The following UBR4 variants were observed in gnomAD, a reference collection of about 807,000 sequenced individuals.
The protein encoded by UBR4 is E3 ubiquitin-protein ligase UBR4.
A neutral mutation model predicts 575.6 loss-of-function variants in UBR4; 124 were observed. The ratio of observed to expected loss-of-function variants is 0.22; its 90% confidence interval spans 0.19 to 0.25. The LOEUF (loss-of-function observed/expected upper bound fraction) is 0.25, where lower values mean the gene tolerates loss of function less well. Among genes scored for constraint, UBR4 ranks in the 10% least tolerant of loss-of-function variants. The pLI, the probability that UBR4 is intolerant of heterozygous loss-of-function variation, is 1.00. For synonymous variants in UBR4, 2,455 were observed against 2,473.7 expected, an observed-to-expected ratio of 0.99 and a Z score of 0.22; for missense variants, 4,818 against 6,478.8, an observed-to-expected ratio of 0.74 and a Z score of 8.80.
Position 19,115,530 on chromosome 1 carries a change from A to C in UBR4, c.10931T>G (p.Phe3644Cys), listed in dbSNP as rs751832612. Residue 3644 changes from phenylalanine (F) to cysteine (C), a missense_variant, in exon 74 of 106, where the codon TTT (phenylalanine) becomes TGT (cysteine). Around this residue, in one of 29 missense-constraint regions of UBR4, gnomAD observed 550 missense variants for 791.5 expected, o/e 0.69. Transcript: ENST00000375254. Reference protein sequence around the residue: ...PIVASNLMIEFADFYENYQAS... With the variant: ...PIVASNLMIECADFYENYQAS... ...CTGGTAGTTTTCATAGAAGTCTGCA[A>C]ACTCAATCATCAGATTGGAGGCCAC... is the stretch of plus-strand genomic sequence containing the variant. 6.2e-6 allele frequency: 10 copies of C among 1,614,096 alleles called. 1 individual carries two copies. The South Asian group carries it at 1.1e-4, about 18-fold the overall frequency.
intron 87 of UBR4, among the ~76,000 whole-genome samples, chr1:19,102,233 C>T (rs1188809636): frequency 6.6e-6 from 1 of 152,066 alleles, no homozygotes; most frequent in Non-Finnish European, 1.5e-5. Flanking sequence ...GGCGTGGTGG[C>T]ACACGCCTAT....
chr1:19,129,004 C>T lies in UBR4; in HGVS notation c.8977G>A (p.Gly2993Ser), dbSNP rs2082125760. 5 of 1,613,904 alleles carry T rather than the reference C, an allele frequency of 3.1e-6. No homozygotes were observed. The highest frequency in any genetic ancestry group is 1.1e-5 in the South Asian group (1 of 91,076). ...TGCATGTATGGGATGGCCCGGACAC[C>T]GCCAACGTTTCGTAATTGAGGCAGG... ...QTLPQLRNVG[G>S]VRAIPYMQVI... The change falls in exon 61 of 106, where the codon GGT (glycine) becomes AGT (serine). Residue 2993 changes from glycine (G) to serine (S), a missense_variant. Physicochemically the swap from Gly to Ser is moderately conservative, Grantham distance 56 (BLOSUM62 0). Coordinates refer to ENST00000375254, the MANE Select transcript of UBR4 (RefSeq NM_020765.3).
Position 19,119,547 on chromosome 1 carries a change from C to A in UBR4, c.10455+10G>T, listed in dbSNP as rs752974432. 6.2e-7 allele frequency: 1 copy of A among 1,608,786 alleles called. No individual in the cohort carries two copies. The highest frequency in any genetic ancestry group is 1.7e-5 in the Admixed American group (1 of 59,800). ...CAAGTTGGCCCCTCTGACCATAAAG[C>A]AACTGTTACCTTCTTCTCTGTTTGT... On this transcript the variant is annotated intron_variant, in intron 70 of 105. Coordinates refer to ENST00000375254, the MANE Select transcript of UBR4 (RefSeq NM_020765.3).
At position 19,101,616 on chromosome 1, in the gene UBR4, G is replaced by A. The variant is rs373469313; in HGVS notation, c.12927C>T (p.Phe4309=). ...TGGCTGTCTCAATGCACACAGCCATGAAGGCCTTGGTTTCTGATTCTGTAC... is the reference window on the plus strand; with the variant it reads ...TGGCTGTCTCAATGCACACAGCCATAAAGGCCTTGGTTTCTGATTCTGTAC... ...TTGTESETKA[F]MAVCIETAKR... is the part of the protein sequence containing the mutation. The change falls in exon 88 of 106, where the codon TTC becomes TTT. Residue 4309 remains phenylalanine (F), a synonymous_variant. Coordinates refer to ENST00000375254, the MANE Select transcript of UBR4 (RefSeq NM_020765.3). 13 of 1,611,694 alleles carry A rather than the reference G, an allele frequency of 8.1e-6. No individual in the cohort carries two copies. The highest frequency in any genetic ancestry group is 1.1e-5 in the Non-Finnish European group (13 of 1,177,862).
At position 19,139,121 on chromosome 1, in the gene UBR4, C is replaced by G; in HGVS notation, c.8693G>C (p.Gly2898Ala). 1 of 1,613,992 alleles carries G rather than the reference C, an allele frequency of 6.2e-7. No homozygotes were observed. The highest frequency in any genetic ancestry group is 2.2e-5 in the East Asian group (1 of 44,866). ...AGCCACTGAGTCCACTGCACTGCCC[C>G]CGCTCTCCGAGCCCACACTACCACC... ...DHGGSVGSESGGSAVDSVAGE... is the reference protein window; with the variant it reads ...DHGGSVGSESAGSAVDSVAGE... The change falls in exon 59 of 106, where the codon GGG (glycine) becomes GCG (alanine). Residue 2898 changes from glycine to alanine, a missense_variant. This residue lies in a region of UBR4 where 57 missense variants were observed against 101.5 expected (regional missense o/e 0.56). Transcript: ENST00000375254. This position sits in a 1 kb window ranked among gnomAD's most constrained non-coding sequence, Gnocchi z 4.2.
At chr1:19,083,751 C>G (rs1177096187) in intron 102 of UBR4, among the ~76,000 whole-genome samples, 1 of 152,146 alleles carries the variant, frequency 6.6e-6, no homozygotes, top group Non-Finnish European at 1.5e-5. Flanking sequence ...TTAGGCTGGG[C>G]TCAAGCAATC....
At chr1:19,121,754 C>T (rs150092862) in intron 67 of UBR4, among the ~76,000 whole-genome samples, 180 bp downstream of exon 67, 6 of 152,266 alleles carry the variant, frequency 3.9e-5, no homozygotes, top group East Asian at 3.9e-4. Context: ...CAAACTTTGA[C>T]GACCAGCCCT....
rs1042744970 is a variant in UBR4, at chr1:19,117,643, T to G, written c.10629+180A>C. Among the ~76,000 whole-genome samples, 1 of 152,184 alleles carries G rather than the reference T, an allele frequency of 6.6e-6. No individual in the cohort carries two copies. Among genetic ancestry groups the G allele is most frequent in the Non-Finnish European group, 1.5e-5 (1 of 68,024 alleles). ...TCCCAAAGTACTGGGATTATAGGCTTGAGCCACTGCACCCAGCCAAGTTTC... is the reference window on the plus strand; with the variant it reads ...TCCCAAAGTACTGGGATTATAGGCTGGAGCCACTGCACCCAGCCAAGTTTC... On this transcript the variant is annotated intron_variant, in intron 72 of 105. Transcript: ENST00000375254. The surrounding 1 kb of genome is among the most constrained non-coding windows in gnomAD (Gnocchi z 4.0).
intron 26 of UBR4, among the ~76,000 whole-genome samples, chr1:19,169,936 A>G (rs1396193247): frequency 1.3e-5 from 2 of 152,246 alleles, no homozygotes; most frequent in African/African-American, 4.8e-5. Context: ...AGGGATCATA[A>G]CACACATTAA....
chr1:19,129,499 AC>A (rs2082185816), intron 60 of UBR4, among the ~76,000 whole-genome samples: 1 of 152,212 alleles, frequency 6.6e-6, no homozygotes, highest in East Asian at 1.9e-4. Context: ...ATTCTATATC[AC>A]CCAGCTGCAC....
chr1:19,086,356 G>A (rs2077015946), intron 100 of UBR4, 86 bp from the exon 101 acceptor site: 1 of 539,400 alleles, frequency 1.9e-6, no homozygotes, highest in African/African-American at 2.1e-5. Flanking sequence ...GGGTGGGGGT[G>A]GGGGCATGCC....
At chr1:19,182,406 T>C (rs747318834) in intron 17 of UBR4, among the ~76,000 whole-genome samples, 1 of 152,090 alleles carries the variant, frequency 6.6e-6, no homozygotes. Flanking sequence ...CAGTGGCTAT[T>C]TGCAGGCGCA....
chr1:19,179,670 G>A (rs1463933836), intron 17 of UBR4, among the ~76,000 whole-genome samples: 1 of 152,136 alleles, frequency 6.6e-6, no homozygotes, highest in Non-Finnish European at 1.5e-5. Flanking sequence ...CGCAGTATTC[G>A]CAGAGAAATT....
At position 19,170,869 on chromosome 1, in the gene UBR4, T is replaced by C; in HGVS notation, c.3536A>G (p.Gln1179Arg). 1.2e-6 allele frequency: 2 copies of C among 1,614,190 alleles called. No individual in the cohort carries two copies. Among genetic ancestry groups the C allele is most frequent in the Non-Finnish European group, 1.7e-6 (2 of 1,180,012 alleles). Residue 1179 changes from glutamine (Q) to arginine (R), a missense_variant, in exon 26 of 106, where the codon CAA (glutamine) becomes CGA (arginine). By Grantham distance (43) the Gln-to-Arg change is conservative (BLOSUM62 1). Coordinates refer to ENST00000375254, the MANE Select transcript of UBR4 (RefSeq NM_020765.3). ...YASFTRAYLL[Q>R]NFNEEGTTEK... ...AGTTGTTCCCTCTTCATTAAAGTTT[T>C]GCAGCAAATAGGCTCTGGGGAAAAA... is the stretch of plus-strand genomic sequence containing the variant.
intron 22 of UBR4, among the ~76,000 whole-genome samples, chr1:19,174,070 T>C (rs2089953523): frequency 1.3e-5 from 2 of 152,082 alleles, no homozygotes; most frequent in Admixed American, 6.5e-5. Context: ...ACAGGAGATA[T>C]AGCACTTGGG....
At chr1:19,134,645 G>A (rs2082981601) in intron 60 of UBR4, among the ~76,000 whole-genome samples, 1 of 151,894 alleles carries the variant, frequency 6.6e-6, no homozygotes, top group African/African-American at 2.4e-5. Context: ...CAGGGCATTT[G>A]GAATAGAAAT....
At chr1:19,099,985 A>G in intron 89 of UBR4, 1 of 438,356 alleles carries the variant, frequency 2.3e-6, no homozygotes, top group Admixed American at 4.0e-5. Context: ...TCAGACCCTC[A>G]ACGGTCTGCC....
chr1:19,113,585 C>T lies in UBR4; in HGVS notation c.11457+114G>A, dbSNP rs1009315392. ...TGCCTGCCTTTTCAGCTAGATTGGG[C>T]AGGGACAACACCAAGACCTGGACTG... On this transcript the variant is annotated intron_variant, in intron 77 of 105. Coordinates refer to ENST00000375254, the MANE Select transcript of UBR4 (RefSeq NM_020765.3). 117 of 1,497,412 alleles carry T rather than the reference C, an allele frequency of 7.8e-5. No homozygotes were observed. In the East Asian group the frequency reaches 2.6e-3, roughly 33 times the overall value. 92.8% of individuals were successfully genotyped at this position (1,497,412 alleles called of 1,614,324 possible).
chr1:19,138,974 G>C (rs1381697337), intron 59 of UBR4, 109 bp downstream of exon 59: 1 of 1,344,404 alleles, frequency 7.4e-7, no homozygotes, highest in Non-Finnish European at 9.8e-7. Context: ...CTTTCAATGA[G>C]TCTCTATACC....
Sources: allele counts gnomAD v4.1 joint callset (sites outside exome capture counted in the v4.1 genomes callset), GRCh38; gene constraint gnomAD v4.1.1; regional missense constraint gnomAD v4.1.1; non-coding constraint Gnocchi (gnomAD v3.1); transcripts MANE v1.5; gene names NCBI Gene and HGNC (gene_info 2026-07-23, HGNC 2026-07-21).